Variants in ZMYND15 observed in about 807,000 individuals in gnomAD.
The protein encoded by ZMYND15 is zinc finger MYND domain-containing protein 15.
In ZMYND15, 54 loss-of-function variants were observed where a neutral mutation model predicts 81.7. The observed-to-expected ratio is 0.66, with a 90% CI of 0.53 to 0.83. The LOEUF is 0.83. ZMYND15 is among the 40% of genes least tolerant of loss of function. ZMYND15 has a pLI of 0.00. For missense variants in ZMYND15, 925 were observed against 973.5 expected (o/e 0.95, Z 0.66); for synonymous variants, 399 against 387.0 (o/e 1.03, Z -0.36).
In ZMYND15 at chr17:4,741,914, G is replaced by A; in HGVS notation, c.828-1G>A. 6.2e-7 allele frequency: 1 copy of A among 1,613,796 alleles called. No homozygotes were observed. The highest frequency in any genetic ancestry group is 8.5e-7 in the Non-Finnish European group (1 of 1,179,780). On this transcript the variant is annotated splice_acceptor_variant, in intron 3 of 13. Coordinates refer to ENST00000433935, the MANE Select transcript of ZMYND15 (RefSeq NM_001136046.3). LOFTEE classifies it high-confidence loss of function. ...GCCATCTCCCCCCCAACTGCATTTA[G>A]AGAGCTGGAGAGCTTGGTCCCAAGG...
Position 4,740,731 on chromosome 17 carries a change from C to T in ZMYND15, c.183C>T (p.Val61=). The T allele has an allele frequency of 6.2e-7, 1 of 1,610,520 alleles. No homozygotes were observed. Among genetic ancestry groups the T allele is most frequent in the African/African-American group, 1.3e-5 (1 of 74,978 alleles). ...PQDPALWVLH[V]LPNHSVGISL... ...ACCCTGCCCTTTGGGTGCTCCATGTCCTGCCCAACCATAGTGTGGGCATCA... is the reference window on the plus strand; with the variant it reads ...ACCCTGCCCTTTGGGTGCTCCATGTTCTGCCCAACCATAGTGTGGGCATCA... Residue 61 remains valine (V), a synonymous_variant, in exon 2 of 14, where the codon GTC becomes GTT. Coordinates refer to ENST00000433935, the MANE Select transcript of ZMYND15 (RefSeq NM_001136046.3).
At position 4,743,927 on chromosome 17, in the gene ZMYND15, G is replaced by A; in HGVS notation, c.1379-64G>A. 10 of 1,578,480 alleles carry A rather than the reference G, an allele frequency of 6.3e-6. No homozygotes were observed. Among genetic ancestry groups the A allele is most frequent in the Non-Finnish European group, 8.6e-6 (10 of 1,159,150 alleles). On this transcript the variant is annotated intron_variant, in intron 7 of 13. Transcript: ENST00000433935. The surrounding 1 kb of genome is among the most constrained non-coding windows in gnomAD (Gnocchi z 4.3). ...AGAGCCTGGGTGGCTGTGAAGAAGAGGTTTGTTAGACTAGAGGGGGTGGGG... is the reference window on the plus strand; with the variant it reads ...AGAGCCTGGGTGGCTGTGAAGAAGAAGTTTGTTAGACTAGAGGGGGTGGGG...
chr17:4,745,957 G>T lies in ZMYND15; in HGVS notation c.2196G>T (p.Lys732Asn). Residue 732 changes from lysine (K) to asparagine (N), a missense_variant, in exon 14 of 14, where the codon AAG becomes AAT. Transcript: ENST00000433935. This position sits in a 1 kb window ranked among gnomAD's most constrained non-coding sequence, Gnocchi z 5.2. ...PAPTRRRRGE[K>N]KPGRGARRRK ...CCACCCGAAGGCGCCGAGGAGAAAAGAAACCTGGGCGGGGGGCCCGCCGGC... is the reference window on the plus strand; with the variant it reads ...CCACCCGAAGGCGCCGAGGAGAAAATAAACCTGGGCGGGGGGCCCGCCGGC... The T allele has an allele frequency of 6.8e-7, 1 of 1,461,290 alleles. No individual in the cohort carries two copies. 90.5% of individuals were successfully genotyped at this position (1,461,290 alleles called of 1,614,324 possible).
chr17:4,742,570 G>C (rs992335614), intron 5 of ZMYND15, 79 bp downstream of exon 5: 10 of 1,553,812 alleles, frequency 6.4e-6, no homozygotes, highest in Admixed American at 1.8e-5. Flanking sequence ...CTGGGAACAG[G>C]GTCCTGCAGT....
intron 2 of ZMYND15, 71 bp from the exon 3 acceptor site, chr17:4,741,511 G>T: frequency 6.5e-7 from 1 of 1,542,936 alleles, no homozygotes; most frequent in Non-Finnish European, 8.9e-7. Context: ...ATTTGAGTTT[G>T]GTACTCCTGA....
In ZMYND15 at chr17:4,743,681, G is replaced by T; in HGVS notation, c.1298-86G>T. The T allele has an allele frequency of 7.1e-7, 1 of 1,405,094 alleles. No individual in the cohort carries two copies. The allele number at this position is 1,405,094 out of a possible 1,614,324, so 87.0% of individuals were successfully genotyped here. A position where few individuals can be genotyped will look rare whatever the true frequency, so the allele number is the denominator to read the frequency against. ...TTCCTCTTACTGCGGCTGTCTCAGG[G>T]AATACAGCCCCTTTGGAAGGAAGAA... On this transcript the variant is annotated intron_variant, in intron 6 of 13. Coordinates refer to ENST00000433935, the MANE Select transcript of ZMYND15 (RefSeq NM_001136046.3). The surrounding 1 kb of genome is among the most constrained non-coding windows in gnomAD (Gnocchi z 4.3).
rs1452013649 is a variant in ZMYND15, at chr17:4,744,804, G to T, written c.1837+26G>T. ...GTAAAAGCCTGGGTCTCAGGGTTAG[G>T]CATGTGGGGAAGGTGGGAGAGAAGC... On this transcript the variant is annotated intron_variant, in intron 11 of 13. Transcript: ENST00000433935. This position sits in a 1 kb window ranked among gnomAD's most constrained non-coding sequence, Gnocchi z 4.1. The T allele has an allele frequency of 3.1e-6, 5 of 1,614,168 alleles. No individual in the cohort carries two copies. The highest frequency in any genetic ancestry group is 1.7e-5 in the Admixed American group (1 of 60,014).
At chr17:4,742,310 C>T (rs773184904) in intron 4 of ZMYND15, 21 bp from the exon 5 acceptor site, 3 of 1,611,902 alleles carry the variant, frequency 1.9e-6, no homozygotes, top group Non-Finnish European at 2.5e-6. Context: ...ACTAGGTGCC[C>T]ACCACCCGCT....
rs781082272 is a variant in ZMYND15, at chr17:4,745,341, T to A, written c.2023T>A (p.Phe675Ile). ...CCAGCCCAACCCCTTCCGCTCCCCCTTTCGCCTCAGAGCGGCCGACAACTG... is the reference window on the plus strand; with the variant it reads ...CCAGCCCAACCCCTTCCGCTCCCCCATTCGCCTCAGAGCGGCCGACAACTG... ...PPQPNPFRSP[F>I]RLRAADNCMS... The change falls in exon 13 of 14, where the codon TTT (phenylalanine) becomes ATT (isoleucine). Residue 675 changes from phenylalanine (F) to isoleucine (I), a missense_variant. Phe to Ile is a conservative substitution (Grantham distance 21). Transcript: ENST00000433935. The surrounding 1 kb of genome is among the most constrained non-coding windows in gnomAD (Gnocchi z 5.2). The A allele has an allele frequency of 1.9e-6, 3 of 1,603,544 alleles. No individual in the cohort carries two copies. In the South Asian group the frequency reaches 3.3e-5, roughly 18 times the overall value.
At position 4,745,902 on chromosome 17, in the gene ZMYND15, C is replaced by A; in HGVS notation, c.2141C>A (p.Pro714Gln). The change falls in exon 14 of 14, where the codon CCA becomes CAA. Residue 714 changes from proline (P) to glutamine (Q), a missense_variant. By Grantham distance (76) the Pro-to-Gln change is moderately conservative. Transcript: ENST00000433935. The surrounding 1 kb of genome is among the most constrained non-coding windows in gnomAD (Gnocchi z 5.2). ...GARPAPGPPP[P>Q]SPTPSAPPAP... ...CGCCCGGCGCCCGGGCCCCCACCCC[C>A]ATCCCCAACTCCCTCTGCTCCTCCT... The A allele has an allele frequency of 6.5e-7, 1 of 1,544,398 alleles. No homozygotes were observed. Among genetic ancestry groups the A allele is most frequent in the Non-Finnish European group, 8.7e-7 (1 of 1,147,826 alleles).
At position 4,745,098 on chromosome 17, in the gene ZMYND15, C is replaced by T. The variant is rs1221073589; in HGVS notation, c.1897-117C>T. ...TCTCTGTGTCTGTCTCCGTCCTCCC[C>T]CTGCTCCCCTCCGCCCGGTCTGTCC... On this transcript the variant is annotated intron_variant, in intron 12 of 13. Transcript: ENST00000433935. The surrounding 1 kb of genome is among the most constrained non-coding windows in gnomAD (Gnocchi z 5.2). 3.2e-6 allele frequency: 5 copies of T among 1,574,156 alleles called. No homozygotes were observed. The highest frequency in any genetic ancestry group is 1.7e-5 in the Admixed American group (1 of 58,772).
chr17:4,744,307 C>T lies in ZMYND15; in HGVS notation c.1584+29C>T. 1 of 1,613,944 alleles carries T rather than the reference C, an allele frequency of 6.2e-7. No individual in the cohort carries two copies. The highest frequency in any genetic ancestry group is 8.5e-7 in the Non-Finnish European group (1 of 1,179,864). ...AGTCACCCCAGGCCTGAAGGTTGGG[C>T]ATTTTGGTATGGGGGTGGGCACAGG... is the stretch of plus-strand genomic sequence containing the variant. On this transcript the variant is annotated intron_variant, in intron 9 of 13. Transcript: ENST00000433935. The surrounding 1 kb of genome is among the most constrained non-coding windows in gnomAD (Gnocchi z 4.1).
Position 4,739,860 on chromosome 17 carries a change from G to GTCTCT in ZMYND15, c.-221_-220insTCTCT, listed in dbSNP as rs1916300017. ...CCGCGCTGCATGAGCCTCCCGGGCGGCCCGGTGGAGAGAGTCGCCGCCAGC... is the reference window on the plus strand; with the variant it reads ...CCGCGCTGCATGAGCCTCCCGGGCGGTCTCTCCCGGTGGAGAGAGTCGCCGCCAGC... On this transcript the variant is annotated 5_prime_UTR_variant, in exon 1 of 14. The change creates a premature stop within an existing upstream ORF in the 5' untranslated region. Coordinates refer to ENST00000433935, the MANE Select transcript of ZMYND15 (RefSeq NM_001136046.3). This position sits in a 1 kb window ranked among gnomAD's most constrained non-coding sequence, Gnocchi z 5.3. 2 of 986,604 alleles carry GTCTCT rather than the reference G, an allele frequency of 2.0e-6. No homozygotes were observed. Among genetic ancestry groups the GTCTCT allele is most frequent in the South Asian group, 4.6e-5 (1 of 21,520 alleles). The allele number at this position is 986,604 out of a possible 1,614,324, so 61.1% of individuals were successfully genotyped here. A position where few individuals can be genotyped will look rare whatever the true frequency, so the allele number is the denominator to read the frequency against.
At chr17:4,741,212 C>G in intron 2 of ZMYND15, 72 bp downstream of exon 2, 1 of 1,379,790 alleles carries the variant, frequency 7.2e-7, no homozygotes, top group African/African-American at 1.5e-5. Flanking sequence ...TCCCCTGCCA[C>G]TAGTTCTGAG....
In ZMYND15 at chr17:4,743,738, C is replaced by T. The variant is rs574044441; in HGVS notation, c.1298-29C>T. 143 of 1,604,832 alleles carry T rather than the reference C, an allele frequency of 8.9e-5. No individual in the cohort carries two copies. Among genetic ancestry groups the T allele is most frequent in the African/African-American group, 8.7e-4 (65 of 74,710 alleles). On this transcript the variant is annotated intron_variant, in intron 6 of 13. Transcript: ENST00000433935. This position sits in a 1 kb window ranked among gnomAD's most constrained non-coding sequence, Gnocchi z 4.3. ...GGGTCAGGTGGGGGTCTCCCTGACCCCAGGCCCCTCCTTCTTTCATCCTCT... is the reference window on the plus strand; with the variant it reads ...GGGTCAGGTGGGGGTCTCCCTGACCTCAGGCCCCTCCTTCTTTCATCCTCT...
Position 4,743,888 on chromosome 17 carries a change from G to C in ZMYND15, c.1378+41G>C. On this transcript the variant is annotated intron_variant, in intron 7 of 13. Coordinates refer to ENST00000433935, the MANE Select transcript of ZMYND15 (RefSeq NM_001136046.3). This position sits in a 1 kb window ranked among gnomAD's most constrained non-coding sequence, Gnocchi z 4.3. ...CCTGTGGAAGCTAGGGGTAGGGCCA[G>C]GGACTGGAGAACCAGAGCCTGGGTG... The C allele has an allele frequency of 5.0e-6, 8 of 1,608,640 alleles. No homozygotes were observed. Among genetic ancestry groups the C allele is most frequent in the South Asian group, 1.1e-5 (1 of 90,292 alleles).
At chr17:4,741,516 T>C in intron 2 of ZMYND15, 66 bp from the exon 3 acceptor site, 1 of 1,575,990 alleles carries the variant, frequency 6.3e-7, no homozygotes, top group Non-Finnish European at 8.7e-7. Flanking sequence ...AGTTTGGTAC[T>C]CCTGACCCTG....
chr17:4,746,001 C>G lies in ZMYND15; in HGVS notation c.*11C>G. 7.0e-7 allele frequency: 1 copy of G among 1,421,762 alleles called. No individual in the cohort carries two copies. The highest frequency in any genetic ancestry group is 9.2e-7 in the Non-Finnish European group (1 of 1,089,842). 88.1% of individuals were successfully genotyped at this position (1,421,762 alleles called of 1,614,324 possible). A position where few individuals can be genotyped will look rare whatever the true frequency, so the allele number is the denominator to read the frequency against. ...CGCCGGCGGAAATGAATGCTGATACCCTAGTAGTCCCCAGCTCCCAAACAC... is the reference window on the plus strand; with the variant it reads ...CGCCGGCGGAAATGAATGCTGATACGCTAGTAGTCCCCAGCTCCCAAACAC... On this transcript the variant is annotated 3_prime_UTR_variant, in exon 14 of 14. Transcript: ENST00000433935.
rs1186113134 is a variant in ZMYND15 at position 4,744,168 on chromosome 17, A to G, written c.1496-22A>G. ...GGGAGTGAGAGTGGACCACATCCTT[A>G]AAGCGCTGGTTTTTCACCCAGTCCC... On this transcript the variant is annotated intron_variant, in intron 8 of 13. Transcript: ENST00000433935. The surrounding 1 kb of genome is among the most constrained non-coding windows in gnomAD (Gnocchi z 4.1). 9 of 1,613,744 alleles carry G rather than the reference A, an allele frequency of 5.6e-6. No individual in the cohort carries two copies. In the African/African-American group the frequency reaches 1.2e-4, roughly 22 times the overall value.
Sources: gnomAD v4.1 joint callset for allele counts on GRCh38, gnomAD v4.1.1 for gene constraint, Gnocchi (gnomAD v3.1) non-coding constraint, MANE v1.5 for transcripts, NCBI Gene and HGNC (gene_info 2026-07-23, HGNC 2026-07-21) for gene names.